GLI2: variants seen among roughly 807,000 people sequenced by gnomAD.
GLI2 encodes the protein GLI family zinc finger 2.
In GLI2, 22 loss-of-function variants were observed where a neutral mutation model predicts 78.9. That is an observed-to-expected ratio of 0.28 (90% CI 0.20 to 0.40). The LOEUF (loss-of-function observed/expected upper bound fraction) is 0.40. Among genes scored for constraint, GLI2 ranks in the 10% least tolerant of loss-of-function variants. The pLI is 1.00. For synonymous variants in GLI2, 974 were observed against 963.7 expected, an observed-to-expected ratio of 1.01 and a Z score of -0.20; for missense variants, 2,097 against 2,213.2, an observed-to-expected ratio of 0.95 and a Z score of 1.05.
At chr2:120,802,877 TC>T (rs1192922233) in intron 2 of GLI2, among the ~76,000 whole-genome samples, 6 of 152,238 alleles carry the variant, frequency 3.9e-5, no homozygotes, top group Non-Finnish European at 8.8e-5. Flanking sequence ...AACATCAGCA[TC>T]CCCTGGGAAT....
At chr2:120,920,610 A>C (rs1478890699) in intron 2 of GLI2, among the ~76,000 whole-genome samples, 3 of 152,196 alleles carry the variant, frequency 2.0e-5, no homozygotes, top group East Asian at 3.9e-4. Context: ...TTGAAACTGC[A>C]GCGTAGAAAA....
intron 1 of GLI2, among the ~76,000 whole-genome samples, chr2:120,750,815 G>A (rs970010048): frequency 6.6e-6 from 1 of 152,220 alleles, no homozygotes; most frequent in Non-Finnish European, 1.5e-5. Context: ...CTGTGGCCAG[G>A]AAAGGGGTCC....
intron 1 of GLI2, among the ~76,000 whole-genome samples, chr2:120,769,683 G>A (rs929583401): frequency 1.3e-5 from 2 of 151,616 alleles, no homozygotes; most frequent in African/African-American, 4.8e-5. Context: ...GCGTGTGTGT[G>A]TTTGGGCACA....
At chr2:120,939,773 A>T (rs950488562) in intron 3 of GLI2, among the ~76,000 whole-genome samples, 1 of 152,190 alleles carries the variant, frequency 6.6e-6, no homozygotes, top group Non-Finnish European at 1.5e-5. Flanking sequence ...TATTTAAGGT[A>T]AATGCATGTC....
At chr2:120,763,345 G>C (rs766572605) in intron 1 of GLI2, among the ~76,000 whole-genome samples, 7 of 152,240 alleles carry the variant, frequency 4.6e-5, no homozygotes, top group Non-Finnish European at 1.0e-4. Context: ...TGGGTAGATG[G>C]ATAGATGGAA....
At chr2:120,841,848 G>GGTGTGTGTGTGTGTGTGT (rs555474895) in intron 2 of GLI2, among the ~76,000 whole-genome samples, 2,881 of 132,560 alleles carry the variant, frequency 0.022, 57 homozygotes, top group Middle Eastern at 0.048. Context: ...CAGTCTGGAG[G>GGTGTGTGTGTGTGTGTGT]GTGTGTGTGT....
chr2:120,773,188 G>C (rs961285769), intron 1 of GLI2, among the ~76,000 whole-genome samples: 3 of 152,200 alleles, frequency 2.0e-5, no homozygotes, highest in Non-Finnish European at 4.4e-5. Context: ...TAACAAGTGG[G>C]TCAGAGTGAG....
At chr2:120,876,486 C>T (rs1688754196) in intron 2 of GLI2, among the ~76,000 whole-genome samples, 1 of 152,138 alleles carries the variant, frequency 6.6e-6, no homozygotes, top group Non-Finnish European at 1.5e-5. Flanking sequence ...TGATATTCTC[C>T]CAGCAGCGAA....
Position 120,978,540 on chromosome 2 carries a change from T to C in GLI2, c.1424T>C (p.Val475Ala). The C allele has an allele frequency of 6.2e-7, 1 of 1,614,012 alleles. No individual in the cohort carries two copies. The highest frequency in any genetic ancestry group is 8.5e-7 in the Non-Finnish European group (1 of 1,180,014). The change falls in exon 10 of 14, where the codon GTG (valine) becomes GCG (alanine). Residue 475 changes from valine (V) to alanine (A), a missense_variant. By Grantham distance (64) the Val-to-Ala change is moderately conservative. Coordinates refer to ENST00000361492, the MANE Select transcript of GLI2 (RefSeq NM_001374353.1). ...KPFKAQYMLV[V>A]HMRRHTGEKP... Reference sequence around the variant, plus strand: ...TTCAAGGCGCAGTACATGCTGGTGGTGCACATGCGGCGACACACGGGCGAG... The same window carrying C: ...TTCAAGGCGCAGTACATGCTGGTGGCGCACATGCGGCGACACACGGGCGAG...
At chr2:120,928,457 G>A (rs1395727599) in intron 3 of GLI2, among the ~76,000 whole-genome samples, 1 of 152,024 alleles carries the variant, frequency 6.6e-6, no homozygotes, top group African/African-American at 2.4e-5. Flanking sequence ...ATCATCATCT[G>A]TTTTTGCACC....
At chr2:120,884,894 C>G (rs1026933572) in intron 2 of GLI2, among the ~76,000 whole-genome samples, 3 of 152,148 alleles carry the variant, frequency 2.0e-5, no homozygotes, top group Non-Finnish European at 4.4e-5. Context: ...GTAATCTTCT[C>G]CCACAGCCCC....
At chr2:120,752,454 A>G (rs1244381264) in intron 1 of GLI2, among the ~76,000 whole-genome samples, 1 of 152,038 alleles carries the variant, frequency 6.6e-6, no homozygotes, top group Non-Finnish European at 1.5e-5. Context: ...TATTTTTAGT[A>G]GAGATGGGCT....
intron 2 of GLI2, among the ~76,000 whole-genome samples, chr2:120,918,095 C>A (rs1431793492): frequency 6.6e-6 from 1 of 152,216 alleles, no homozygotes; most frequent in Admixed American, 6.5e-5. Flanking sequence ...GCATGGAGAA[C>A]TCTGCCCTGG....
chr2:120,774,492 C>T (rs1683621375), intron 1 of GLI2, among the ~76,000 whole-genome samples: 1 of 152,198 alleles, frequency 6.6e-6, no homozygotes, highest in Admixed American at 6.5e-5. Flanking sequence ...TCCCTGGCAG[C>T]CACTAATTTA....
chr2:120,868,571 C>T (rs1261612127), intron 2 of GLI2, among the ~76,000 whole-genome samples: 1 of 152,212 alleles, frequency 6.6e-6, no homozygotes, highest in Non-Finnish European at 1.5e-5. Context: ...AGCTGGCCCC[C>T]TCCCTCCTGG....
intron 1 of GLI2, among the ~76,000 whole-genome samples, chr2:120,792,989 C>T (rs1303618854): frequency 6.6e-6 from 1 of 152,232 alleles, no homozygotes; most frequent in Non-Finnish European, 1.5e-5. Context: ...CATATACCTG[C>T]TTCTGTATCA....
At chr2:120,798,611 G>A (rs989596067) in intron 2 of GLI2, among the ~76,000 whole-genome samples, 4 of 152,216 alleles carry the variant, frequency 2.6e-5, no homozygotes, top group African/African-American at 9.6e-5. Flanking sequence ...CAACCTTCAG[G>A]CCCCTTGGGG....
At chr2:120,960,769 T>G (rs1459858573) in intron 5 of GLI2, among the ~76,000 whole-genome samples, 2 of 152,206 alleles carry the variant, frequency 1.3e-5, no homozygotes, top group Non-Finnish European at 2.9e-5. Context: ...AGCCAAGCCC[T>G]GCGTTCCTCC....
intron 2 of GLI2, among the ~76,000 whole-genome samples, chr2:120,908,890 T>A (rs11893321): frequency 1.3e-5 from 2 of 151,910 alleles, no homozygotes; most frequent in Non-Finnish European, 2.9e-5. Flanking sequence ...GAGGACAGAC[T>A]GTCTACAGGA....
Sources: gnomAD v4.1 joint callset for allele counts (sites outside exome capture counted in the v4.1 genomes callset) on GRCh38, gnomAD v4.1.1 for gene constraint, MANE v1.5 for transcripts, NCBI Gene and HGNC (gene_info 2026-07-23, HGNC 2026-07-21) for gene names.